Variants in SLC19A3 observed in about 807,000 individuals in gnomAD.
SLC19A3 encodes thiamine transporter 2.
A neutral mutation model predicts 40.2 loss-of-function variants in SLC19A3; 31 were observed. The observed-to-expected ratio is 0.77, with a 90% CI of 0.58 to 1.04. The LOEUF is 1.04. Ranked by LOEUF, SLC19A3 falls within the 50% of genes least tolerant of loss-of-function variation. The pLI is 0.00. For synonymous variants in SLC19A3, 212 were observed against 227.5 expected, an observed-to-expected ratio of 0.93 and a Z score of 0.61; for missense variants, 592 against 596.7, an observed-to-expected ratio of 0.99 and a Z score of 0.08.
At chr2:227,714,754 T>C (rs17372469) in intron 1 of SLC19A3, 23,946 of 177,942 alleles carry the variant, frequency 0.13, 2,451 homozygotes, top group South Asian at 0.33. Context: ...CTTTCTGAAA[T>C]ACAAGTGATT....
intron 3 of SLC19A3, among the ~76,000 whole-genome samples, chr2:227,696,767 A>T (rs1358226614): frequency 2.0e-5 from 3 of 152,202 alleles, no homozygotes; most frequent in Non-Finnish European, 4.4e-5. Flanking sequence ...TCTTTAACAA[A>T]GGTAAAAGGT....
At chr2:227,706,136 C>G (rs529890046) in intron 1 of SLC19A3, among the ~76,000 whole-genome samples, 2 of 152,178 alleles carry the variant, frequency 1.3e-5, no homozygotes, top group Admixed American at 1.3e-4. Context: ...TTGGGAGGAT[C>G]ACTTCCTCCA....
rs183992017 is a variant in SLC19A3 at position 227,687,331 on chromosome 2, C to A, written c.*66G>T. 1.3e-4 allele frequency: 197 copies of A among 1,473,092 alleles called. 1 individual carries two copies. Among genetic ancestry groups the A allele is most frequent in the African/African-American group, 1.2e-3 (88 of 70,956 alleles). 91.3% of individuals were successfully genotyped at this position (1,473,092 alleles called of 1,614,324 possible). On this transcript the variant is annotated 3_prime_UTR_variant, in exon 6 of 6. Transcript: ENST00000644224. ...AAGTTATGGCAAAACATATGCCACC[C>A]ATCTCAAAATCTTTCCTTATTATTG... is the stretch of plus-strand genomic sequence containing the variant.
Position 227,698,977 on chromosome 2 carries a change from C to G in SLC19A3, c.738G>C (p.Lys246Asn), listed in dbSNP as rs369214674. ...EILSTSGKLN[K>N]GQLNSLKPSN... ...TTGGTTTCAGGCTGTTCAGCTGGCC[C>G]TTATTCAGCTTCCCTGAAGTGCTGA... The change falls in exon 3 of 6, where the codon AAG becomes AAC. Residue 246 changes from lysine (K) to asparagine (N), a missense_variant. Lys to Asn is a moderately conservative substitution (Grantham distance 94). Transcript: ENST00000644224. The G allele has an allele frequency of 1.2e-5, 19 of 1,614,064 alleles. No individual in the cohort carries two copies. Among genetic ancestry groups the G allele is most frequent in the Non-Finnish European group, 1.4e-5 (17 of 1,180,042 alleles).
chr2:227,698,800 G>A lies in SLC19A3; in HGVS notation c.915C>T (p.Tyr305=). 1 of 1,614,180 alleles carries A rather than the reference G, an allele frequency of 6.2e-7. No individual in the cohort carries two copies. The highest frequency in any genetic ancestry group is 8.5e-7 in the Non-Finnish European group (1 of 1,180,040). The change falls in exon 3 of 6, where the codon TAC becomes TAT. Residue 305 remains tyrosine, a synonymous_variant. Coordinates refer to ENST00000644224, the MANE Select transcript of SLC19A3 (RefSeq NM_025243.4). The part of the protein sequence containing the change: ...VLNYVQILWD[Y]KAPSQDSSIY... ...TGGAAGAATCTTGGGATGGCGCCTT[G>A]TAATCCCACAGGATTTGAACATAGT...
In SLC19A3 at chr2:227,703,041, T is replaced by A. The variant is rs1695766423; in HGVS notation, c.-2-721A>T. On this transcript the variant is annotated intron_variant, in intron 1 of 5. Coordinates refer to ENST00000644224, the MANE Select transcript of SLC19A3 (RefSeq NM_025243.4). This position sits in a 1 kb window ranked among gnomAD's most constrained non-coding sequence, Gnocchi z 4.7. ...GCCCAAACACTGGCTTCAAACCACA[T>A]GATCAAGATCTGAATCCAGGTCTCC... The A allele has an allele frequency of 6.6e-6, 1 of 152,430 alleles. No homozygotes were observed. Among genetic ancestry groups the A allele is most frequent in the South Asian group, 2.1e-4 (1 of 4,830 alleles). 9.4% of individuals were successfully genotyped at this position (152,430 alleles called of 1,614,324 possible).
rs1694985029 is a variant in SLC19A3 at position 227,685,520 on chromosome 2, A to G, written c.*1877T>C. On this transcript the variant is annotated 3_prime_UTR_variant, in exon 6 of 6. Transcript: ENST00000644224. ...CCCCACCTCTAACATTGGGGATTAC[A>G]CTTCAACGTGAGATTTGGTGGGGAC... 1 of 152,240 alleles carries G rather than the reference A, an allele frequency of 6.6e-6. No homozygotes were observed. The highest frequency in any genetic ancestry group is 1.5e-5 in the Non-Finnish European group (1 of 68,078). 9.4% of individuals were successfully genotyped at this position (152,240 alleles called of 1,614,324 possible).
chr2:227,713,329 G>T (rs1696205388), intron 1 of SLC19A3, among the ~76,000 whole-genome samples: 1 of 149,366 alleles, frequency 6.7e-6, no homozygotes, highest in South Asian at 2.2e-4. Flanking sequence ...TTGAGCCCAG[G>T]ATATCAAGGC....
intron 1 of SLC19A3, among the ~76,000 whole-genome samples, chr2:227,715,063 A>C (rs951308391): frequency 2.0e-5 from 3 of 151,406 alleles, no homozygotes; most frequent in African/African-American, 4.9e-5. Context: ...CAAGTGCTCC[A>C]CCCGCCTCAG....
chr2:227,711,702 T>C (rs1308428093), intron 1 of SLC19A3, among the ~76,000 whole-genome samples: 2 of 152,032 alleles, frequency 1.3e-5, no homozygotes, highest in African/African-American at 4.8e-5. Context: ...AAAAGATAAA[T>C]TGCATTTCAT....
intron 4 of SLC19A3, among the ~76,000 whole-genome samples, chr2:227,692,779 GA>G (rs1695282759): frequency 6.6e-6 from 1 of 152,118 alleles, no homozygotes; most frequent in African/African-American, 2.4e-5. Context: ...GCTTGCAGAC[GA>G]TATGATCTTA....
rs778816786 is a variant in SLC19A3 at position 227,702,283 on chromosome 2, C to G, written c.36G>C (p.Trp12Cys). 1 of 1,613,916 alleles carries G rather than the reference C, an allele frequency of 6.2e-7. No homozygotes were observed. Among genetic ancestry groups the G allele is most frequent in the Non-Finnish European group, 8.5e-7 (1 of 1,179,992 alleles). Residue 12 changes from tryptophan to cysteine, a missense_variant, in exon 2 of 6, where the codon TGG becomes TGC. Transcript: ENST00000644224. ...AGCAGAGGATCACAGTGGGGTAAATCCAGGAACTGCTTAGTGAAGTTCTGT... is the reference window on the plus strand; with the variant it reads ...AGCAGAGGATCACAGTGGGGTAAATGCAGGAACTGCTTAGTGAAGTTCTGT... The part of the protein sequence containing the change: ...DCYRTSLSSS[W>C]IYPTVILCLF...
In SLC19A3 at chr2:227,699,193, G is replaced by T. The variant is rs766224051; in HGVS notation, c.522C>A (p.Val174=). ...CCACGGAGACAGAGGCCAAGGATAT[G>T]ACGTTGAGGTAAAAGTACGACATGT... ...LANMSYFYLN[V]ISLASVSVAF... Residue 174 remains valine (V), a synonymous_variant, in exon 3 of 6, where the codon GTC becomes GTA. Coordinates refer to ENST00000644224, the MANE Select transcript of SLC19A3 (RefSeq NM_025243.4). 43 of 1,614,072 alleles carry T rather than the reference G, an allele frequency of 2.7e-5. 1 individual carries two copies. In the East Asian group the frequency reaches 9.1e-4, roughly 34 times the overall value.
intron 1 of SLC19A3, among the ~76,000 whole-genome samples, chr2:227,717,522 A>T (rs772244532): frequency 6.6e-6 from 1 of 152,154 alleles, no homozygotes; most frequent in Non-Finnish European, 1.5e-5. Context: ...AGTGGTTCCC[A>T]AAAAAGCCCC....
At chr2:227,702,731 T>G (rs1695753339) in intron 1 of SLC19A3, 1 of 198,682 alleles carries the variant, frequency 5.0e-6, no homozygotes, top group African/African-American at 2.4e-5. Context: ...AATCATTGTA[T>G]GGCAGCTATA....
rs117013375 is a variant in SLC19A3, at chr2:227,699,267, C to T, written c.448G>A (p.Ala150Thr). Residue 150 changes from alanine to threonine, a missense_variant, in exon 3 of 6, where the codon GCC becomes ACC. By Grantham distance (58) the Ala-to-Thr change is moderately conservative. Transcript: ENST00000644224. ...GCCAGCACCGACCCTGCTGTGTAGG[C>T]GGCCAGCGTGACGCTCCTGCAGTAG... is the stretch of plus-strand genomic sequence containing the variant. ...SGYCRSVTLA[A>T]YTAGSVLAQL... 3.5e-5 allele frequency: 56 copies of T among 1,614,044 alleles called. No homozygotes were observed. In the East Asian group the frequency reaches 8.9e-4, roughly 26 times the overall value.
chr2:227,686,269 T>C lies in SLC19A3; in HGVS notation c.*1128A>G, dbSNP rs997707593. ...AGTGTTTTCTTATTTCTAATACTTCTAGAAACCTCCTTTAAGTTTTCCTAT... is the reference window on the plus strand; with the variant it reads ...AGTGTTTTCTTATTTCTAATACTTCCAGAAACCTCCTTTAAGTTTTCCTAT... On this transcript the variant is annotated 3_prime_UTR_variant, in exon 6 of 6. Transcript: ENST00000644224. 1.8e-5 allele frequency: 6 copies of C among 339,146 alleles called. No individual in the cohort carries two copies. The Admixed American group carries it at 2.2e-4, about 12-fold the overall frequency. 21.0% of individuals were successfully genotyped at this position (339,146 alleles called of 1,614,324 possible).
In SLC19A3 at chr2:227,685,899, A is replaced by C. The variant is rs957566199; in HGVS notation, c.*1498T>G. ...TTATTTAGCACAATTGCTACCATTT[A>C]AAAATCAGGTGTTTTGGCCAGGCAT... On this transcript the variant is annotated 3_prime_UTR_variant, in exon 6 of 6. Transcript: ENST00000644224. 5.9e-6 allele frequency: 1 copy of C among 168,206 alleles called. No homozygotes were observed. The highest frequency in any genetic ancestry group is 2.4e-5 in the African/African-American group (1 of 41,694). 10.4% of individuals were successfully genotyped at this position (168,206 alleles called of 1,614,324 possible).
intron 2 of SLC19A3, 140 bp downstream of exon 2, chr2:227,702,029 A>G (rs1695714912): frequency 1.4e-6 from 1 of 732,468 alleles, no homozygotes; most frequent in East Asian, 2.5e-5. Flanking sequence ...AAAGTTCTAT[A>G]TGGGACACAT....
Sources: gnomAD v4.1 joint callset for allele counts (sites outside exome capture counted in the v4.1 genomes callset) on GRCh38, gnomAD v4.1.1 for gene constraint, Gnocchi (gnomAD v3.1) non-coding constraint, MANE v1.5 for transcripts, NCBI Gene and HGNC (gene_info 2026-07-23, HGNC 2026-07-21) for gene names.